PEX5L: variants seen among roughly 807,000 people sequenced by gnomAD.
PEX5L encodes the protein peroxisomal biogenesis factor 5 like.
Under a neutral mutation model 84.0 loss-of-function variants are expected in PEX5L, and 30 were observed. The observed-to-expected ratio is 0.36, with a 90% CI of 0.27 to 0.48. The LOEUF is 0.48. Ranked by LOEUF, PEX5L falls within the 20% of genes least tolerant of loss-of-function variation. PEX5L has a pLI of 0.99. For missense variants in PEX5L, 533 were observed against 754.6 expected (o/e 0.71, Z 3.44); for synonymous variants, 270 against 283.1 (o/e 0.95, Z 0.46).
intron 1 of PEX5L, among the ~76,000 whole-genome samples, chr3:180,021,428 G>C (rs1167639538): frequency 6.6e-6 from 1 of 152,180 alleles, no homozygotes; most frequent in African/African-American, 2.4e-5. Context: ...CGTTCTCAGG[G>C]AGCCTTATTC....
chr3:180,036,493 A>T, intron 1 of PEX5L, 86 bp downstream of exon 1: 1 of 1,228,394 alleles, frequency 8.1e-7, no homozygotes, highest in Non-Finnish European at 1.2e-6. Context: ...GTGCGAAGGC[A>T]GCACTTGACC....
At chr3:179,888,059 C>T (rs1486968073) in intron 3 of PEX5L, 2 of 958,326 alleles carry the variant, frequency 2.1e-6, no homozygotes, top group Admixed American at 4.5e-5. Context: ...TCTCTAATTT[C>T]AATATATAGA....
chr3:179,959,176 C>T (rs1218826394), intron 2 of PEX5L, among the ~76,000 whole-genome samples: 2 of 139,082 alleles, frequency 1.4e-5, no homozygotes, highest in Non-Finnish European at 3.1e-5. Flanking sequence ...CATGAACCAA[C>T]CACTCTTTGA....
intron 2 of PEX5L, among the ~76,000 whole-genome samples, chr3:179,967,777 CGGTGATTCATAAAGTGT>C (rs1783724171): frequency 6.6e-6 from 1 of 152,096 alleles, no homozygotes; most frequent in Non-Finnish European, 1.5e-5. Flanking sequence ...TTCTCTGACC[CGGTGATTCATAAAGTGT>C]GGTCTGGAAC....
At chr3:180,018,266 TA>T (rs1284434131) in intron 1 of PEX5L, among the ~76,000 whole-genome samples, 1 of 152,240 alleles carries the variant, frequency 6.6e-6, no homozygotes, top group African/African-American at 2.4e-5. Context: ...CGATTAGTTT[TA>T]TATTTGCAAT....
chr3:179,995,091 G>GTA (rs569901109), intron 1 of PEX5L, among the ~76,000 whole-genome samples: 618 of 145,924 alleles, frequency 4.2e-3, no homozygotes, highest in Admixed American at 8.3e-3. Context: ...TATATATATA[G>GTA]TATATATATA....
At position 179,999,694 on chromosome 3, in the gene PEX5L, A is replaced by G. The variant is rs377587591; in HGVS notation, c.22-28029T>C. ...AATGCTTCTGCCAAGACTACCATCC[A>G]TGGAATCACGGAATGCCTTATCCAC... is the stretch of plus-strand genomic sequence containing the variant. On this transcript the variant is annotated intron_variant, in intron 1 of 14. Transcript: ENST00000467460. 8.8e-4 allele frequency among the ~76,000 whole-genome samples: 134 copies of G among 152,322 alleles called. 2 individuals are homozygous for G. The South Asian group carries it at 0.027, about 30-fold the overall frequency.
intron 2 of PEX5L, among the ~76,000 whole-genome samples, chr3:179,903,293 T>A (rs1762038908): frequency 6.6e-6 from 1 of 151,936 alleles, no homozygotes; most frequent in Admixed American, 6.6e-5. Context: ...TGATCTCGGT[T>A]CACTGCAACC....
chr3:179,830,727 C>T (rs553589908), intron 8 of PEX5L, among the ~76,000 whole-genome samples: 44 of 152,306 alleles, frequency 2.9e-4, no homozygotes, highest in African/African-American at 9.9e-4. Flanking sequence ...GGCATTTGAT[C>T]TAGCTTCTTG....
intron 1 of PEX5L, among the ~76,000 whole-genome samples, chr3:179,988,886 T>C (rs1228569595): frequency 6.6e-6 from 1 of 152,178 alleles, no homozygotes; most frequent in Non-Finnish European, 1.5e-5. Context: ...TGTAAAGAAA[T>C]AAACTTGGAT....
intron 1 of PEX5L, among the ~76,000 whole-genome samples, chr3:180,006,458 A>G (rs553186580): frequency 1.3e-5 from 2 of 152,236 alleles, no homozygotes; most frequent in East Asian, 3.9e-4. Context: ...AAACATACCT[A>G]TTGCTTTTAA....
chr3:179,803,885 C>T (rs1434671884), intron 14 of PEX5L, among the ~76,000 whole-genome samples: 3 of 152,104 alleles, frequency 2.0e-5, no homozygotes, highest in Non-Finnish European at 4.4e-5. Context: ...TTCTAATCAC[C>T]CCCTCTTCTG....
At chr3:179,840,156 G>GTTTT (rs201456388) in intron 8 of PEX5L, among the ~76,000 whole-genome samples, 2 of 123,408 alleles carry the variant, frequency 1.6e-5, no homozygotes, top group Admixed American at 8.4e-5. Context: ...TCGTCAAGTT[G>GTTTT]TTTTTTGTGT....
Position 179,879,988 on chromosome 3 carries a change from G to T in PEX5L, c.446C>A (p.Thr149Lys), listed in dbSNP as rs777000912. ...AGGCTGGCCTCTCTGCTCAGCATCC[G>T]TGCTGATGAGGTCAGATCCATCGGC... is the stretch of plus-strand genomic sequence containing the variant. ...KKADGSDLIS[T>K]DAEQRGQPLR... Residue 149 changes from threonine (T) to lysine (K), a missense_variant, in exon 5 of 15, where the codon ACG becomes AAG. By Grantham distance (78) the Thr-to-Lys change is moderately conservative. Around this residue, in one of 8 missense-constraint regions of PEX5L, gnomAD observed 259 missense variants for 301.7 expected, o/e 0.86. Coordinates refer to ENST00000467460, the MANE Select transcript of PEX5L (RefSeq NM_016559.3). 3 of 1,613,394 alleles carry T rather than the reference G, an allele frequency of 1.9e-6. No individual in the cohort carries two copies. The African/African-American group carries it at 4.0e-5, about 22-fold the overall frequency.
intron 8 of PEX5L, among the ~76,000 whole-genome samples, chr3:179,821,054 C>T (rs1424910851): frequency 6.6e-6 from 1 of 152,144 alleles, no homozygotes; most frequent in East Asian, 1.9e-4. Flanking sequence ...TTTCAAGGAA[C>T]CACTTTGGCC....
chr3:180,026,163 G>T, intron 1 of PEX5L, among the ~76,000 whole-genome samples: 1 of 135,434 alleles, frequency 7.4e-6, no homozygotes, highest in Non-Finnish European at 1.6e-5. Flanking sequence ...TTGCAATTTG[G>T]GAATAGGCAA....
intron 1 of PEX5L, among the ~76,000 whole-genome samples, chr3:180,020,903 CTTTA>C (rs1790366500): frequency 6.6e-6 from 1 of 152,112 alleles, no homozygotes; most frequent in East Asian, 1.9e-4. Flanking sequence ...TTCAACAATT[CTTTA>C]TTTAATCCAA....
At chr3:179,841,746 T>C (rs1053538415) in intron 8 of PEX5L, among the ~76,000 whole-genome samples, 1 of 152,244 alleles carries the variant, frequency 6.6e-6, no homozygotes, top group African/African-American at 2.4e-5. Flanking sequence ...GTTACTGCCT[T>C]GTTTATCAAC....
rs374604936 is a variant in PEX5L at position 179,962,605 on chromosome 3, T to C, written c.93+8989A>G. Among the ~76,000 whole-genome samples, 206 of 152,326 alleles carry C rather than the reference T, an allele frequency of 1.4e-3. 11 individuals carry two copies. In the South Asian group the frequency reaches 0.042, roughly 31 times the overall value. On this transcript the variant is annotated intron_variant, in intron 2 of 14. Transcript: ENST00000467460. ...ATTTTTAATTTTTTAATCCACTGGA[T>C]TAGATTATCTTCTGAAATTCCTTCC... is the stretch of plus-strand genomic sequence containing the variant.
Sources: gnomAD v4.1 joint callset for allele counts (sites outside exome capture counted in the v4.1 genomes callset) on GRCh38, gnomAD v4.1.1 for gene constraint, gnomAD v4.1.1 regional missense constraint, MANE v1.5 for transcripts, NCBI Gene and HGNC (gene_info 2026-07-23, HGNC 2026-07-21) for gene names.